The following PIK3C2G variants were observed in gnomAD, a reference collection of about 807,000 sequenced individuals.
PIK3C2G encodes phosphatidylinositol 3-kinase C2 domain-containing subunit gamma.
PIK3C2G carries 168 observed loss-of-function variants against 181.1 expected under a neutral mutation model. That is an observed-to-expected ratio of 0.93 (90% CI 0.82 to 1.05). PIK3C2G has a LOEUF of 1.05. Among genes scored for constraint, PIK3C2G ranks in the 50% least tolerant of loss-of-function variants. The pLI is 0.00. For synonymous variants in PIK3C2G, 573 were observed against 592.2 expected (o/e 0.97, Z 0.47); for missense variants, 1,869 against 1,732.8 (o/e 1.08, Z -1.40).
At chr12:18,610,307 A>G (rs780751507) in intron 31 of PIK3C2G, among the ~76,000 whole-genome samples, 1 of 152,092 alleles carries the variant, frequency 6.6e-6, no homozygotes, top group Non-Finnish European at 1.5e-5. Context: ...CCAGGAGACT[A>G]TATCAGGTGT....
rs140592247 is a variant in PIK3C2G, at chr12:18,373,462, C to T, written c.1880+2151C>T. ...TTCAGAAGAACCAATGGTGATTAAA[C>T]TCAGATAAATCAGTTAGGGCTGCAT... On this transcript the variant is annotated intron_variant, in intron 13 of 32. Coordinates refer to ENST00000538779, the MANE Select transcript of PIK3C2G (RefSeq NM_001288772.2). 1.6e-3 allele frequency among the ~76,000 whole-genome samples: 237 copies of T among 152,270 alleles called. 1 individual carries two copies. The highest frequency in any genetic ancestry group is 3.4e-3 in the Middle Eastern group (1 of 294).
chr12:18,686,709 T>C, the PIK3C2G span, among the ~76,000 whole-genome samples: 61,372 of 151,914 alleles, frequency 0.4, 15,205 homozygotes, highest in South Asian at 0.59. Context: ...ATCATAATTA[T>C]TTTACTTATA....
intron 18 of PIK3C2G, among the ~76,000 whole-genome samples, chr12:18,465,605 A>T (rs1272622760): frequency 6.6e-6 from 1 of 151,770 alleles, no homozygotes; most frequent in African/African-American, 2.4e-5. Flanking sequence ...TCCTTTCAGT[A>T]ATTTGGAGAT....
intron 16 of PIK3C2G, among the ~76,000 whole-genome samples, chr12:18,409,136 T>C (rs1427831348): frequency 6.6e-6 from 1 of 152,080 alleles, no homozygotes; most frequent in African/African-American, 2.4e-5. Flanking sequence ...AGTAAAGACT[T>C]GGAACCAACC....
At chr12:18,629,142 A>G (rs770353953) in intron 31 of PIK3C2G, among the ~76,000 whole-genome samples, 4 of 152,214 alleles carry the variant, frequency 2.6e-5, no homozygotes, top group Non-Finnish European at 5.9e-5. Flanking sequence ...ATGGGTCACC[A>G]TACGATGCCT....
intron 5 of PIK3C2G, among the ~76,000 whole-genome samples, chr12:18,295,480 T>C (rs1406203692): frequency 1.3e-5 from 2 of 151,958 alleles, no homozygotes; most frequent in Non-Finnish European, 2.9e-5. Flanking sequence ...CAGAAAGCAA[T>C]TGTATTAAAG....
At chr12:18,553,097 T>C (rs1944818901) in intron 26 of PIK3C2G, among the ~76,000 whole-genome samples, 1 of 152,088 alleles carries the variant, frequency 6.6e-6, no homozygotes, top group Non-Finnish European at 1.5e-5. Flanking sequence ...TTGATATTTC[T>C]GACCCTACGC....
intron 24 of PIK3C2G, among the ~76,000 whole-genome samples, chr12:18,532,587 T>C (rs11044165): frequency 0.28 from 42,365 of 151,960 alleles, 6,272 homozygotes; most frequent in Non-Finnish European, 0.34. Flanking sequence ...CTGTCTTCAC[T>C]GAATTACTTT....
At chr12:18,473,109 G>GC (rs1282035924) in intron 18 of PIK3C2G, among the ~76,000 whole-genome samples, 7 of 152,108 alleles carry the variant, frequency 4.6e-5, no homozygotes, top group Non-Finnish European at 8.8e-5. Flanking sequence ...GCTGCCTACT[G>GC]CCCTCTCAGT....
intron 8 of PIK3C2G, 73 bp from the exon 9 acceptor site, chr12:18,338,353 G>A: frequency 8.5e-7 from 1 of 1,172,702 alleles, no homozygotes; most frequent in Non-Finnish European, 1.2e-6. Context: ...GGAAAAAGAA[G>A]AAGTTTGAGG....
the PIK3C2G span, among the ~76,000 whole-genome samples, chr12:18,704,813 G>T: frequency 2.6e-4 from 40 of 152,068 alleles, no homozygotes; most frequent in Non-Finnish European, 4.9e-4. Context: ...TTGAGATATT[G>T]GGTACTGACT....
rs190059519 is a variant in PIK3C2G at position 18,516,686 on chromosome 12, G to C, written c.3323+11225G>C. On this transcript the variant is annotated intron_variant, in intron 24 of 32. Coordinates refer to ENST00000538779, the MANE Select transcript of PIK3C2G (RefSeq NM_001288772.2). ...TTTTCTTTTTTCCTTCTCTGATTGG[G>C]TAATTTCACATATCTGGTCTTGAAG... 4.6e-3 allele frequency among the ~76,000 whole-genome samples: 705 copies of C among 151,942 alleles called. 4 individuals carry two copies. The highest frequency in any genetic ancestry group is 0.016 in the African/African-American group (666 of 41,498).
Position 18,609,605 on chromosome 12 carries a change from A to G in PIK3C2G, c.4158A>G (p.Ile1386Met), listed in dbSNP as rs763083211. 21 of 1,576,220 alleles carry G rather than the reference A, an allele frequency of 1.3e-5. No individual in the cohort carries two copies. The South Asian group carries it at 2.3e-4, about 17-fold the overall frequency. ...CCTACGAGGATGTGAAGCTGACCAT[A>G]CTAGTGAAACACATGAAAAACATTG... ...VISYEDVKLT[I>M]LVKHMKNIHL... is the part of the protein sequence containing the mutation. Residue 1386 changes from isoleucine (I) to methionine (M), a missense_variant, in exon 31 of 33, where the codon ATA becomes ATG. Coordinates refer to ENST00000538779, the MANE Select transcript of PIK3C2G (RefSeq NM_001288772.2).
intron 24 of PIK3C2G, among the ~76,000 whole-genome samples, chr12:18,513,120 AT>A (rs1942319678): frequency 6.6e-6 from 1 of 151,878 alleles, no homozygotes; most frequent in African/African-American, 2.4e-5. Context: ...ATGTTGAACC[AT>A]CCTTGGATCC....
intron 12 of PIK3C2G, among the ~76,000 whole-genome samples, chr12:18,369,280 T>C (rs1028181182): frequency 1.3e-5 from 2 of 152,198 alleles, no homozygotes; most frequent in African/African-American, 4.8e-5. Flanking sequence ...AGTTTTCTCA[T>C]TCCTCTTTAG....
chr12:18,384,453 T>G (rs1008467220), intron 14 of PIK3C2G, among the ~76,000 whole-genome samples: 1 of 152,142 alleles, frequency 6.6e-6, no homozygotes, highest in Non-Finnish European at 1.5e-5. Context: ...AGAAGACAAA[T>G]GTATTTTCTA....
chr12:18,325,718 A>AT (rs1427791920), intron 8 of PIK3C2G, among the ~76,000 whole-genome samples: 2 of 151,666 alleles, frequency 1.3e-5, no homozygotes, highest in African/African-American at 4.8e-5. Flanking sequence ...AAAAAAAAAA[A>AT]AAAAAAGAGA....
chr12:18,463,194 G>A (rs370099399), intron 18 of PIK3C2G, among the ~76,000 whole-genome samples: 1 of 151,980 alleles, frequency 6.6e-6, no homozygotes, highest in East Asian at 1.9e-4. Flanking sequence ...TCATTGTCAT[G>A]GTATATCCTA....
At chr12:18,471,014 T>A (rs570886628) in intron 18 of PIK3C2G, among the ~76,000 whole-genome samples, 1 of 152,304 alleles carries the variant, frequency 6.6e-6, no homozygotes, top group South Asian at 2.1e-4. Flanking sequence ...TTAAGAAACG[T>A]TAACTTAGAC....
Sources: gnomAD v4.1 joint callset for allele counts (sites outside exome capture counted in the v4.1 genomes callset) on GRCh38, gnomAD v4.1.1 for gene constraint, MANE v1.5 for transcripts, NCBI Gene and HGNC (gene_info 2026-07-23, HGNC 2026-07-21) for gene names.